The following FRMD4A variants were observed in gnomAD, a reference collection of about 807,000 sequenced individuals.
FRMD4A encodes FERM domain-containing protein 4A.
In FRMD4A, 29 loss-of-function variants were observed where a neutral mutation model predicts 129.1. The ratio of observed to expected loss-of-function variants is 0.22; its 90% confidence interval spans 0.17 to 0.31. FRMD4A has a LOEUF of 0.31. Ranked by LOEUF, FRMD4A falls within the 10% of genes least tolerant of loss-of-function variation. FRMD4A has a pLI of 1.00. For missense variants in FRMD4A, 1,272 were observed against 1,375.8 expected (o/e 0.92, Z 1.19); for synonymous variants, 634 against 571.6 (o/e 1.11, Z -1.56).
intron 5 of FRMD4A, among the ~76,000 whole-genome samples, chr10:13,790,900 G>T (rs1426980971): frequency 1.3e-5 from 2 of 152,116 alleles, no homozygotes; most frequent in Non-Finnish European, 2.9e-5. Flanking sequence ...GGTCACAAAG[G>T]GGAGGAATCC....
intron 6 of FRMD4A, among the ~76,000 whole-genome samples, chr10:13,765,833 A>G (rs186201472): frequency 2.6e-5 from 4 of 152,196 alleles, no homozygotes; most frequent in Admixed American, 2.6e-4. Context: ...GATGGTTTCT[A>G]CTCTCACTCT....
intron 2 of FRMD4A, among the ~76,000 whole-genome samples, chr10:14,127,009 C>G (rs1838880732): frequency 6.6e-6 from 1 of 152,136 alleles, no homozygotes; most frequent in Non-Finnish European, 1.5e-5. Context: ...AGTTCCTGCC[C>G]TTATGGAGCT....
At chr10:14,108,528 G>C (rs1052477092) in intron 2 of FRMD4A, among the ~76,000 whole-genome samples, 3 of 152,196 alleles carry the variant, frequency 2.0e-5, no homozygotes, top group African/African-American at 7.2e-5. Flanking sequence ...TGTGTATACA[G>C]CTTCACTATT....
At chr10:14,273,666 G>T (rs1215062876) in intron 2 of FRMD4A, among the ~76,000 whole-genome samples, 1 of 151,966 alleles carries the variant, frequency 6.6e-6, no homozygotes, top group Non-Finnish European at 1.5e-5. Flanking sequence ...GATATGATGA[G>T]CTCTAATCTC....
intron 2 of FRMD4A, among the ~76,000 whole-genome samples, chr10:14,129,927 G>A (rs1839151172): frequency 6.6e-6 from 1 of 152,172 alleles, no homozygotes; most frequent in Non-Finnish European, 1.5e-5. Context: ...TGGAGCTGGG[G>A]CGAGATGTTC....
intron 2 of FRMD4A, among the ~76,000 whole-genome samples, chr10:14,141,365 CA>C (rs1291056300): frequency 6.6e-6 from 1 of 152,152 alleles, no homozygotes; most frequent in East Asian, 1.9e-4. Context: ...GCAGGGCACA[CA>C]ACCCCTTCAC....
chr10:14,260,220 C>T (rs1221899745), intron 2 of FRMD4A, among the ~76,000 whole-genome samples: 1 of 152,156 alleles, frequency 6.6e-6, no homozygotes, highest in East Asian at 1.9e-4. Context: ...ACAACCGCTG[C>T]ATTCTCTCCC....
At chr10:13,694,559 G>T (rs1028365656) in intron 14 of FRMD4A, among the ~76,000 whole-genome samples, 2 of 152,306 alleles carry the variant, frequency 1.3e-5, no homozygotes, top group African/African-American at 4.8e-5. Context: ...ATGATTTTCA[G>T]TGCTGTGAAA....
intron 2 of FRMD4A, among the ~76,000 whole-genome samples, chr10:14,111,130 A>G (rs762153397): frequency 1.3e-5 from 2 of 152,210 alleles, no homozygotes; most frequent in Non-Finnish European, 2.9e-5. Context: ...TATCCGTTAA[A>G]CAATTATTCC....
At chr10:13,737,513 T>C (rs746301875) in intron 12 of FRMD4A, among the ~76,000 whole-genome samples, 6 of 152,144 alleles carry the variant, frequency 3.9e-5, no homozygotes, top group Non-Finnish European at 5.9e-5. Context: ...ACATCATTTT[T>C]CCAAAGAATA....
chr10:14,181,829 T>A lies in FRMD4A; in HGVS notation c.45+148229A>T, dbSNP rs866419246. Reference sequence around the variant, plus strand: ...CCTCAGCCTCCCCAGCAGCTGGGACTACAGATGTGCACCAACATGCCCAGC... The same window carrying A: ...CCTCAGCCTCCCCAGCAGCTGGGACAACAGATGTGCACCAACATGCCCAGC... On this transcript the variant is annotated intron_variant, in intron 2 of 24. Transcript: ENST00000357447. Among the ~76,000 whole-genome samples, 41 of 152,280 alleles carry A rather than the reference T, an allele frequency of 2.7e-4. 1 individual carries two copies. Among genetic ancestry groups the A allele is most frequent in the African/African-American group, 8.4e-4 (35 of 41,562 alleles).
intron 2 of FRMD4A, among the ~76,000 whole-genome samples, chr10:14,029,091 G>C (rs993795816): frequency 1.3e-5 from 2 of 152,194 alleles, no homozygotes; most frequent in African/African-American, 4.8e-5. Flanking sequence ...TTTGTTCTGT[G>C]CATTTAAATA....
intron 2 of FRMD4A, among the ~76,000 whole-genome samples, chr10:13,971,428 G>C (rs942041787): frequency 6.6e-6 from 1 of 152,148 alleles, no homozygotes; most frequent in Non-Finnish European, 1.5e-5. Flanking sequence ...CGATCCGGTG[G>C]CTTTGAAAGC....
intron 2 of FRMD4A, among the ~76,000 whole-genome samples, chr10:14,127,325 T>A (rs977013102): frequency 6.6e-6 from 1 of 152,232 alleles, no homozygotes; most frequent in African/African-American, 2.4e-5. Flanking sequence ...ACCTGACCTC[T>A]GCTCTTCTTG....
chr10:14,128,004 CTT>C lies in FRMD4A; in HGVS notation c.45+202052_45+202053del, dbSNP rs58494621. ...CTTCTCTCTCTCTCTCTCTCTCTTTCTTTCTTTCTTCCTTCCTTCCTTCCTTC... is the reference window on the plus strand; with the variant it reads ...CTTCTCTCTCTCTCTCTCTCTCTTTCTCTTTCTTCCTTCCTTCCTTCCTTC... On this transcript the variant is annotated intron_variant, in intron 2 of 24. Transcript: ENST00000357447. 5.2e-3 allele frequency among the ~76,000 whole-genome samples: 487 copies of C among 93,388 alleles called. 34 individuals carry two copies. The highest frequency in any genetic ancestry group is 0.026 in the African/African-American group (449 of 17,530). The allele number at this position is 93,388 out of a possible 152,430, so 61.3% of individuals were successfully genotyped here.
chr10:14,147,372 T>C (rs934149929), intron 2 of FRMD4A, among the ~76,000 whole-genome samples: 3 of 152,192 alleles, frequency 2.0e-5, no homozygotes, highest in African/African-American at 7.2e-5. Flanking sequence ...CATCAGGGAC[T>C]GGTTTTGTGG....
chr10:14,130,703 A>G (rs1839200551), intron 2 of FRMD4A, among the ~76,000 whole-genome samples: 1 of 152,222 alleles, frequency 6.6e-6, no homozygotes. Context: ...CATCGTACCT[A>G]AAAACTGTAC....
intron 2 of FRMD4A, among the ~76,000 whole-genome samples, chr10:14,263,369 G>C (rs570201894): frequency 1.3e-5 from 2 of 152,192 alleles, no homozygotes; most frequent in South Asian, 4.1e-4. Flanking sequence ...TTGCAAGGCT[G>C]CCGGCCAGAC....
chr10:13,690,830 G>A (rs1288436262), intron 15 of FRMD4A, among the ~76,000 whole-genome samples: 1 of 151,564 alleles, frequency 6.6e-6, no homozygotes, highest in Non-Finnish European at 1.5e-5. Context: ...TCATTGTATT[G>A]GTATACCGAT....
Sources: gnomAD v4.1 joint callset for allele counts (sites outside exome capture counted in the v4.1 genomes callset) on GRCh38, gnomAD v4.1.1 for gene constraint, MANE v1.5 for transcripts, NCBI Gene and HGNC (gene_info 2026-07-23, HGNC 2026-07-21) for gene names.